The following ELAPOR2 variants were observed in gnomAD, a reference collection of about 807,000 sequenced individuals.
The protein encoded by ELAPOR2 is endosome/lysosome-associated apoptosis and autophagy regulator family member 2.
ELAPOR2 carries 89 observed loss-of-function variants against 120.7 expected under a neutral mutation model. The ratio of observed to expected loss-of-function variants is 0.74; its 90% CI spans 0.62 to 0.88. The LOEUF (loss-of-function observed/expected upper bound fraction) is 0.88. ELAPOR2 is among the 40% of genes least tolerant of loss of function. The probability of loss-of-function intolerance (pLI) is 0.00; values close to 1 mark genes in which losing one functional copy is unlikely to be tolerated. For missense variants in ELAPOR2, 1,134 were observed against 1,251.6 expected (o/e 0.91, Z 1.42); for synonymous variants, 444 against 444.9 (o/e 1.00, Z 0.03).
Position 86,909,819 on chromosome 7 carries a change from T to C in ELAPOR2, c.2352A>G (p.Thr784=). The change falls in exon 16 of 22, where the codon ACA becomes ACG. Residue 784 remains threonine (T), a synonymous_variant. Transcript: ENST00000450689. ...GAACCAAAGGAAGCTTACCTATGAA[T>C]GTATCTGCCAGAATGATGGATTGTG... ...LSSQSIILAD[T]FIGVTVETTL... is the part of the protein sequence containing the mutation. 1 of 1,607,788 alleles carries C rather than the reference T, an allele frequency of 6.2e-7. No homozygotes were observed. Among genetic ancestry groups the C allele is most frequent in the Non-Finnish European group, 8.5e-7 (1 of 1,177,170 alleles).
At chr7:86,926,139 T>C (rs1430151756) in intron 9 of ELAPOR2, among the ~76,000 whole-genome samples, 1 of 152,008 alleles carries the variant, frequency 6.6e-6, no homozygotes, top group Admixed American at 6.6e-5. Context: ...ATTGACTATG[T>C]TGAGAATGGT....
intron 5 of ELAPOR2, chr7:86,941,396 G>A: frequency 1.9e-6 from 1 of 527,148 alleles, no homozygotes; most frequent in Non-Finnish European, 3.9e-6. Flanking sequence ...CTGTAAGGAA[G>A]CAGGCAGTTA....
intron 1 of ELAPOR2, among the ~76,000 whole-genome samples, chr7:87,002,450 A>C (rs6947922): frequency 0.38 from 57,415 of 151,838 alleles, 11,692 homozygotes; most frequent in African/African-American, 0.53. Context: ...TTACCATGAG[A>C]ATGGTTGGCT....
chr7:87,054,317 TA>T (rs1376995493), intron 1 of ELAPOR2, among the ~76,000 whole-genome samples: 3 of 152,204 alleles, frequency 2.0e-5, no homozygotes, highest in African/African-American at 7.2e-5. Flanking sequence ...TCCCTTGTGC[TA>T]AAATATGACA....
Position 86,883,471 on chromosome 7 carries a change from T to C in ELAPOR2, c.3031-2941A>G, listed in dbSNP as rs533372952. Among the ~76,000 whole-genome samples, 20 of 152,294 alleles carry C rather than the reference T, an allele frequency of 1.3e-4. 2 individuals are homozygous for C. The South Asian group carries it at 3.1e-3, about 24-fold the overall frequency. On this transcript the variant is annotated intron_variant, in intron 21 of 21. Transcript: ENST00000450689. ...ACGATATTTATAGTAGCTTTATTCA[T>C]TGTCAAACACTGGAAATAGCACAGG...
At chr7:86,996,171 T>C (rs548349989) in intron 1 of ELAPOR2, among the ~76,000 whole-genome samples, 1 of 152,150 alleles carries the variant, frequency 6.6e-6, no homozygotes, top group African/African-American at 2.4e-5. Flanking sequence ...TACCAAGCTA[T>C]GATACAAATT....
At chr7:87,018,901 A>T (rs547983518) in intron 1 of ELAPOR2, among the ~76,000 whole-genome samples, 126 of 152,346 alleles carry the variant, frequency 8.3e-4, no homozygotes, top group African/African-American at 3.0e-3. Context: ...GACAAGCAGT[A>T]TTCCATGTTC....
chr7:87,009,745 C>T (rs751535781), intron 1 of ELAPOR2, among the ~76,000 whole-genome samples: 43 of 152,282 alleles, frequency 2.8e-4, no homozygotes, highest in Non-Finnish European at 5.6e-4. Context: ...AAGGTAACCA[C>T]TGGTTGTCAA....
At chr7:86,960,143 T>C (rs1791646250) in intron 2 of ELAPOR2, among the ~76,000 whole-genome samples, 1 of 152,240 alleles carries the variant, frequency 6.6e-6, no homozygotes. Context: ...TCCTGGAGAA[T>C]GTTTCATGTG....
intron 13 of ELAPOR2, among the ~76,000 whole-genome samples, chr7:86,913,463 T>A (rs945867890): frequency 1.3e-5 from 2 of 152,202 alleles, no homozygotes; most frequent in Non-Finnish European, 2.9e-5. Context: ...ACAATTAGTA[T>A]AAATTAGGAT....
At chr7:86,901,731 C>G (rs568920679) in intron 18 of ELAPOR2, among the ~76,000 whole-genome samples, 41 of 152,288 alleles carry the variant, frequency 2.7e-4, no homozygotes, top group African/African-American at 9.4e-4. Flanking sequence ...GCTGCTTTCG[C>G]ATGGGGCTTT....
intron 12 of ELAPOR2, among the ~76,000 whole-genome samples, chr7:86,917,452 G>A (rs1450228724): frequency 1.3e-5 from 2 of 152,094 alleles, no homozygotes; most frequent in Non-Finnish European, 1.5e-5. Context: ...CAGCAGTATA[G>A]ATGAAAGAGT....
At chr7:86,905,451 A>G (rs1055342221) in intron 18 of ELAPOR2, among the ~76,000 whole-genome samples, 1 of 152,174 alleles carries the variant, frequency 6.6e-6, no homozygotes, top group South Asian at 2.1e-4. Context: ...AATAAAGGTC[A>G]GCACATTTAA....
chr7:86,953,574 G>GT (rs1791354327), intron 2 of ELAPOR2, among the ~76,000 whole-genome samples: 1 of 152,000 alleles, frequency 6.6e-6, no homozygotes, highest in Non-Finnish European at 1.5e-5. Flanking sequence ...TTTTCATTCA[G>GT]TTTTTTTAGC....
chr7:86,993,268 G>A (rs1634992), intron 1 of ELAPOR2, among the ~76,000 whole-genome samples: 51,312 of 142,322 alleles, frequency 0.36, 10,310 homozygotes, highest in African/African-American at 0.51. Context: ...AAAAGAAAAG[G>A]AAAGAAAAAG....
intron 1 of ELAPOR2, among the ~76,000 whole-genome samples, chr7:86,980,817 C>T (rs535581389): frequency 6.6e-6 from 1 of 152,270 alleles, no homozygotes; most frequent in South Asian, 2.1e-4. Context: ...GCCTATCTCT[C>T]ATCTGGCTCT....
intron 8 of ELAPOR2, among the ~76,000 whole-genome samples, chr7:86,927,145 C>T (rs1269127077): frequency 6.6e-6 from 1 of 151,848 alleles, no homozygotes; most frequent in Non-Finnish European, 1.5e-5. Flanking sequence ...TTCCCTCGTA[C>T]ACAGCATGTT....
At chr7:86,896,760 A>C (rs889895220) in intron 19 of ELAPOR2, among the ~76,000 whole-genome samples, 35 of 152,172 alleles carry the variant, frequency 2.3e-4, no homozygotes, top group African/African-American at 8.2e-4. Context: ...CTATTGGTGA[A>C]AGTGAAAATG....
chr7:87,009,990 GAA>G (rs1793603402), intron 1 of ELAPOR2, among the ~76,000 whole-genome samples: 1 of 60,546 alleles, frequency 1.7e-5, no homozygotes, highest in Non-Finnish European at 3.2e-5. Context: ...CATTACGAAA[GAA>G]AGAAAGAAAG....
Sources: gnomAD v4.1 joint callset for allele counts (sites outside exome capture counted in the v4.1 genomes callset) on GRCh38, gnomAD v4.1.1 for gene constraint, MANE v1.5 for transcripts, NCBI Gene and HGNC (gene_info 2026-07-23, HGNC 2026-07-21) for gene names.